FHIT: variants seen among roughly 807,000 people sequenced by gnomAD.
FHIT encodes the protein fragile histidine triad diadenosine triphosphatase, also known as bis(5'-adenosyl)-triphosphatase.
Under a neutral mutation model 17.9 loss-of-function variants are expected in FHIT, and 19 were observed. The ratio of observed to expected loss-of-function variants is 1.06; its 90% CI spans 0.74 to 1.56. The LOEUF (loss-of-function observed/expected upper bound fraction) is 1.56, where lower values mean the gene tolerates loss of function less well. FHIT is among the 40% of genes most tolerant of loss of function. The pLI, the probability that FHIT is intolerant of heterozygous loss-of-function variation, is 0.00. For synonymous variants in FHIT, 81 were observed against 69.7 expected (o/e 1.16, Z -0.81); for missense variants, 248 against 189.2 (o/e 1.31, Z -1.82).
chr3:60,000,541 G>C (rs1055997747), intron 7 of FHIT, among the ~76,000 whole-genome samples: 6 of 152,118 alleles, frequency 3.9e-5, no homozygotes, highest in Non-Finnish European at 8.8e-5. Flanking sequence ...TCTGCACCTG[G>C]AGCTAAAGAT....
chr3:59,760,243 T>C (rs888986503), intron 8 of FHIT, among the ~76,000 whole-genome samples: 1 of 152,166 alleles, frequency 6.6e-6, no homozygotes, highest in Non-Finnish European at 1.5e-5. Flanking sequence ...TCAAGGGGTA[T>C]AGAGTGTTGG....
In FHIT at chr3:60,308,404, G is replaced by A. The variant is rs575417242; in HGVS notation, c.103+228456C>T. Reference sequence around the variant, plus strand: ...TCTCAGGAGAGGGAATAATTAGTATGGGCTGTTACAGACCAGGAGGACATC... The same window carrying A: ...TCTCAGGAGAGGGAATAATTAGTATAGGCTGTTACAGACCAGGAGGACATC... On this transcript the variant is annotated intron_variant, in intron 5 of 9. Coordinates refer to ENST00000492590, the MANE Select transcript of FHIT (RefSeq NM_002012.4). 2.6e-5 allele frequency among the ~76,000 whole-genome samples: 4 copies of A among 151,844 alleles called. No individual in the cohort carries two copies. In the East Asian group the frequency reaches 7.7e-4, roughly 29 times the overall value.
chr3:59,872,897 C>G (rs1399255425), intron 8 of FHIT, among the ~76,000 whole-genome samples: 1 of 152,158 alleles, frequency 6.6e-6, no homozygotes, highest in Non-Finnish European at 1.5e-5. Flanking sequence ...TCAGTAGGTA[C>G]AAAGTTGACA....
intron 8 of FHIT, among the ~76,000 whole-genome samples, chr3:59,784,382 G>A (rs1464057274): frequency 6.6e-6 from 1 of 152,206 alleles, no homozygotes; most frequent in East Asian, 1.9e-4. Context: ...TAGTCAGAGG[G>A]TGCTAGTCAG....
intron 4 of FHIT, among the ~76,000 whole-genome samples, chr3:60,583,244 C>T (rs1021178960): frequency 1.3e-5 from 2 of 151,924 alleles, no homozygotes; most frequent in African/African-American, 4.8e-5. Context: ...TATGCAAACC[C>T]TTTCCAATCC....
At chr3:60,476,218 A>G (rs1284002925) in intron 5 of FHIT, among the ~76,000 whole-genome samples, 1 of 152,180 alleles carries the variant, frequency 6.6e-6, no homozygotes, top group Non-Finnish European at 1.5e-5. Flanking sequence ...ATAAATAAAA[A>G]TATTTCCCTG....
chr3:61,005,488 T>C (rs1176712662), intron 3 of FHIT, among the ~76,000 whole-genome samples: 1 of 151,980 alleles, frequency 6.6e-6, no homozygotes, highest in Non-Finnish European at 1.5e-5. Context: ...TGACAAATGA[T>C]GGTGGTAATA....
At chr3:59,958,532 G>A (rs1462246256) in intron 7 of FHIT, among the ~76,000 whole-genome samples, 1 of 152,214 alleles carries the variant, frequency 6.6e-6, no homozygotes, top group Admixed American at 6.5e-5. Context: ...TATCTCACAT[G>A]TAAGGGAAGA....
chr3:60,708,466 C>T (rs2041430256), intron 4 of FHIT, among the ~76,000 whole-genome samples: 1 of 152,136 alleles, frequency 6.6e-6, no homozygotes, highest in African/African-American at 2.4e-5. Context: ...CATATTTTTA[C>T]CATCATTGGT....
intron 2 of FHIT, among the ~76,000 whole-genome samples, chr3:61,160,154 C>G (rs1190713666): frequency 6.6e-6 from 1 of 151,988 alleles, no homozygotes; most frequent in Non-Finnish European, 1.5e-5. Flanking sequence ...TTTGAGAAAA[C>G]TACACATTCC....
chr3:60,124,045 G>GAC (rs1559653949), intron 5 of FHIT, among the ~76,000 whole-genome samples: 34 of 117,838 alleles, frequency 2.9e-4, no homozygotes, highest in African/African-American at 1.1e-3. Flanking sequence ...GAGAGAGAGA[G>GAC]AGAGAGAGAG....
In FHIT at chr3:61,053,526, C is replaced by T. The variant is rs544482821; in HGVS notation, c.-163-11427G>A. Among the ~76,000 whole-genome samples, 51 of 152,060 alleles carry T rather than the reference C, an allele frequency of 3.4e-4. No homozygotes were observed. In the East Asian group the frequency reaches 6.2e-3, roughly 18 times the overall value. ...ATACAAAATTAGCCGGGTGTGGTGG[C>T]GCATGGCTGTAATCCCAGCTACTCA... On this transcript the variant is annotated intron_variant, in intron 2 of 9. Coordinates refer to ENST00000492590, the MANE Select transcript of FHIT (RefSeq NM_002012.4).
chr3:60,120,223 C>G (rs903270240), intron 5 of FHIT, among the ~76,000 whole-genome samples: 1 of 152,194 alleles, frequency 6.6e-6, no homozygotes, highest in Non-Finnish European at 1.5e-5. Context: ...CCCAACTGGA[C>G]AGTAAACTCT....
At chr3:60,029,311 T>G (rs919010762) in intron 5 of FHIT, among the ~76,000 whole-genome samples, 3 of 152,140 alleles carry the variant, frequency 2.0e-5, no homozygotes, top group Admixed American at 2.0e-4. Flanking sequence ...CTGTATAAGA[T>G]GAGGGGTACT....
intron 3 of FHIT, among the ~76,000 whole-genome samples, chr3:60,974,727 T>A (rs1710164423): frequency 6.6e-6 from 1 of 152,140 alleles, no homozygotes; most frequent in Non-Finnish European, 1.5e-5. Flanking sequence ...CGCAGTAGCA[T>A]TAGGAACATG....
At chr3:60,234,124 C>G (rs908943024) in intron 5 of FHIT, among the ~76,000 whole-genome samples, 13 of 152,098 alleles carry the variant, frequency 8.5e-5, no homozygotes, top group African/African-American at 1.7e-4. Flanking sequence ...ATGATAGTGC[C>G]TAGCATAAAA....
At chr3:60,318,478 G>C (rs1405972128) in intron 5 of FHIT, among the ~76,000 whole-genome samples, 8 of 152,102 alleles carry the variant, frequency 5.3e-5, no homozygotes, top group Non-Finnish European at 1.2e-4. Context: ...AAACAAAACA[G>C]AACAAAACAA....
intron 4 of FHIT, among the ~76,000 whole-genome samples, chr3:60,709,092 G>T (rs2041449549): frequency 2.0e-5 from 3 of 152,154 alleles, no homozygotes; most frequent in Non-Finnish European, 4.4e-5. Flanking sequence ...ACTGTGGAAG[G>T]CCCCAAAGAG....
At chr3:61,190,731 C>A (rs1032793261) in intron 2 of FHIT, among the ~76,000 whole-genome samples, 5 of 152,122 alleles carry the variant, frequency 3.3e-5, no homozygotes, top group African/African-American at 1.2e-4. Flanking sequence ...CATATATACA[C>A]CATGGAATAC....
Sources: gnomAD v4.1 joint callset for allele counts (sites outside exome capture counted in the v4.1 genomes callset) on GRCh38, gnomAD v4.1.1 for gene constraint, MANE v1.5 for transcripts, NCBI Gene and HGNC (gene_info 2026-07-23, HGNC 2026-07-21) for gene names.